Variants in LSG1 observed in about 807,000 individuals in gnomAD.
LSG1 encodes large 60S subunit nuclear export GTPase 1, also known as large subunit GTPase 1 homolog.
A neutral mutation model predicts 82.6 loss-of-function variants in LSG1; 55 were observed. That is an observed-to-expected ratio of 0.67 (90% CI 0.54 to 0.83). The LOEUF is 0.83. Ranked by LOEUF, LSG1 falls within the 40% of genes least tolerant of loss-of-function variation. The pLI is 0.00. For missense variants in LSG1, 809 were observed against 807.9 expected, an observed-to-expected ratio of 1.00 and a Z score of -0.02; for synonymous variants, 272 against 282.5, an observed-to-expected ratio of 0.96 and a Z score of 0.37.
intron 5 of LSG1, chr3:194,660,864 G>A (rs749689574): frequency 4.4e-6 from 2 of 456,444 alleles, no homozygotes; most frequent in South Asian, 3.1e-5. Flanking sequence ...CACAAATATA[G>A]TGGGGACTAC....
Position 194,642,020 on chromosome 3 carries a change from T to C in LSG1, c.*48A>G. On this transcript the variant is annotated 3_prime_UTR_variant, in exon 14 of 14. Transcript: ENST00000265245. ...TCCACAGGCAACAGGCAGCTTCTGC[T>C]CTTTTCCATCTGCACAATGCAGATG... The C allele has an allele frequency of 1.9e-6, 3 of 1,588,112 alleles. No homozygotes were observed. The highest frequency in any genetic ancestry group is 2.6e-6 in the Non-Finnish European group (3 of 1,165,822).
rs1403228576 is a variant in LSG1 at position 194,644,566 on chromosome 3, AACTT to A, written c.1797+3_1797+6del. 6.2e-7 allele frequency: 1 copy of A among 1,607,518 alleles called. No homozygotes were observed. ...ATCAGAAGTTTAAGAAAAGCTTTAA[AACTT>A]ACTTGATGGAAAAAAGTTTTGTCAA... On this transcript the variant is annotated splice_donor_5th_base_variant and intron_variant, in intron 13 of 13. Transcript: ENST00000265245.
chr3:194,660,230 T>A lies in LSG1; in HGVS notation c.522-97A>T, dbSNP rs148207521. On this transcript the variant is annotated intron_variant, in intron 5 of 13. Coordinates refer to ENST00000265245, the MANE Select transcript of LSG1 (RefSeq NM_018385.3). ...CAGAGTAGCAAACCCTGGCAATATA[T>A]TAAGCACTGGACATATATTAACTTT... is the stretch of plus-strand genomic sequence containing the variant. 6,044 of 900,612 alleles carry A rather than the reference T, an allele frequency of 6.7e-3. 26 individuals carry two copies. The highest frequency in any genetic ancestry group is 9.2e-3 in the Non-Finnish European group (4,896 of 534,094). The allele number at this position is 900,612 out of a possible 1,614,324, so 55.8% of individuals were successfully genotyped here. A position where few individuals can be genotyped will look rare whatever the true frequency, so the allele number is the denominator to read the frequency against.
chr3:194,670,107 T>G lies in LSG1; in HGVS notation c.128A>C (p.Tyr43Ser). ...CTGAAGATTAAGACGACCCCAATCA[T>G]AGCCATCATTGAGTTCACTTGTGTG... is the stretch of plus-strand genomic sequence containing the variant. ...WLHTSELNDG[Y>S]DWGRLNLQSV... is the part of the protein sequence containing the mutation. The change falls in exon 2 of 14, where the codon TAT (tyrosine) becomes TCT (serine). Residue 43 changes from tyrosine to serine, a missense_variant. Tyr to Ser is a moderately radical substitution (Grantham distance 144, BLOSUM62 -2). Transcript: ENST00000265245. The G allele has an allele frequency of 6.2e-7, 1 of 1,611,978 alleles. No individual in the cohort carries two copies. Among genetic ancestry groups the G allele is most frequent in the Non-Finnish European group, 8.5e-7 (1 of 1,179,490 alleles).
intron 2 of LSG1, among the ~76,000 whole-genome samples, chr3:194,668,302 G>A (rs1719074134): frequency 6.6e-6 from 1 of 152,098 alleles, no homozygotes; most frequent in Admixed American, 6.5e-5. Context: ...CCAGGAGTGG[G>A]ACTGCTGGAT....
In LSG1 at chr3:194,653,016, C is replaced by G. The variant is rs1718710392; in HGVS notation, c.886G>C (p.Glu296Gln). The change falls in exon 8 of 14, where the codon GAA becomes CAA. Residue 296 changes from glutamate (E) to glutamine (Q), a missense_variant. Coordinates refer to ENST00000265245, the MANE Select transcript of LSG1 (RefSeq NM_018385.3). Reference protein sequence around the residue: ...LPARDSPSLSENPTTDEDDSE... With the variant: ...LPARDSPSLSQNPTTDEDDSE... ...TCATCTTCATCCGTTGTGGGATTTTCACTAAGTGAAGGAGAATCCCTAGCT... is the reference window on the plus strand; with the variant it reads ...TCATCTTCATCCGTTGTGGGATTTTGACTAAGTGAAGGAGAATCCCTAGCT... The G allele has an allele frequency of 6.2e-7, 1 of 1,614,072 alleles. No individual in the cohort carries two copies. Among genetic ancestry groups the G allele is most frequent in the African/African-American group, 1.3e-5 (1 of 74,916 alleles).
rs928899942 is a variant in LSG1 at position 194,642,004 on chromosome 3, A to G, written c.*64T>C. 5 of 1,556,848 alleles carry G rather than the reference A, an allele frequency of 3.2e-6. No individual in the cohort carries two copies. The African/African-American group carries it at 6.8e-5, about 21-fold the overall frequency. On this transcript the variant is annotated 3_prime_UTR_variant, in exon 14 of 14. Coordinates refer to ENST00000265245, the MANE Select transcript of LSG1 (RefSeq NM_018385.3). ...AGTGTCTTGGGACGGTTCCACAGGC[A>G]ACAGGCAGCTTCTGCTCTTTTCCAT...
At chr3:194,644,223 G>A (rs1264455064) in intron 13 of LSG1, among the ~76,000 whole-genome samples, 2 of 151,782 alleles carry the variant, frequency 1.3e-5, no homozygotes, top group African/African-American at 2.4e-5. Flanking sequence ...TTAGCCGGGC[G>A]TGGTGGCGGG....
intron 7 of LSG1, 47 bp downstream of exon 7, chr3:194,658,910 T>G: frequency 6.8e-7 from 1 of 1,469,558 alleles, no homozygotes; most frequent in Non-Finnish European, 9.2e-7. Context: ...TAACAAGAAA[T>G]CAAAATTCCC....
At chr3:194,659,311 T>C (rs1213699428) in intron 6 of LSG1, among the ~76,000 whole-genome samples, 178 bp from the exon 7 acceptor site, 1 of 152,150 alleles carries the variant, frequency 6.6e-6, no homozygotes, top group Non-Finnish European at 1.5e-5. Flanking sequence ...TGAAAAGAAG[T>C]TCCACCATTA....
chr3:194,667,239 C>T (rs1440641768), intron 2 of LSG1, among the ~76,000 whole-genome samples: 7 of 151,970 alleles, frequency 4.6e-5, no homozygotes, highest in Admixed American at 2.0e-4. Flanking sequence ...TTAGTAGAGA[C>T]GGGGTTTTGC....
At chr3:194,663,791 T>TGCCTCAGAGAAAGCCTTTCCCTTCTTCC (rs1560228143) in intron 5 of LSG1, among the ~76,000 whole-genome samples, 1 of 139,460 alleles carries the variant, frequency 7.2e-6, no homozygotes, top group African/African-American at 2.8e-5. Flanking sequence ...TCCCTTCTTC[T>TGCCTCAGAGAAAGCCTTTCCCTTCTTCC]GCCTCAGAGA....
intron 7 of LSG1, among the ~76,000 whole-genome samples, chr3:194,656,924 C>G (rs1387618903): frequency 1.3e-5 from 2 of 151,972 alleles, no homozygotes; most frequent in African/African-American, 4.8e-5. Context: ...CGCATATTCT[C>G]ACTCATAGGT....
chr3:194,666,642 A>C, intron 2 of LSG1, 70 bp from the exon 3 acceptor site: 1 of 1,254,936 alleles, frequency 8.0e-7, no homozygotes, highest in Non-Finnish European at 1.1e-6. Context: ...TCATACTGAT[A>C]AACTGAGAAA....
At chr3:194,646,268 A>G (rs771964440) in intron 11 of LSG1, 25 bp from the exon 12 acceptor site, 1 of 1,594,918 alleles carries the variant, frequency 6.3e-7, no homozygotes, top group Non-Finnish European at 8.6e-7. Context: ...GAATTTTGCA[A>G]AATCTTAGAT....
chr3:194,645,539 C>CACACACACACACACAGACAGACAG lies in LSG1; in HGVS notation c.1623+624_1623+625insCTGTCTGTCTGTGTGTGTGTGTGT, dbSNP rs1560219663. ...ACACACACACACACACAGACAGACA[C>CACACACACACACACAGACAGACAG]ACACACACACACACACACACACACA... On this transcript the variant is annotated intron_variant, in intron 12 of 13. Transcript: ENST00000265245. The CACACACACACACACAGACAGACAG allele has an allele frequency of 9.3e-5, 3 of 32,386 alleles. 1 individual carries two copies. The highest frequency in any genetic ancestry group is 2.0e-4 in the Non-Finnish European group (3 of 14,798). The allele number at this position is 32,386 out of a possible 1,614,324, so 2.0% of individuals were successfully genotyped here.
In LSG1 at chr3:194,645,565, CACACAG is replaced by C. The variant is rs1560219802; in HGVS notation, c.1623+593_1623+598del. On this transcript the variant is annotated intron_variant, in intron 12 of 13. Coordinates refer to ENST00000265245, the MANE Select transcript of LSG1 (RefSeq NM_018385.3). Reference sequence around the variant, plus strand: ...ACACACACACACACACACACACACACACACAGACAGACACACACACACACACACACA... The same window carrying C: ...ACACACACACACACACACACACACACACAGACACACACACACACACACACA... Among the ~76,000 whole-genome samples, 23 of 62,838 alleles carry C rather than the reference CACACAG, an allele frequency of 3.7e-4. 5 individuals carry two copies. Among genetic ancestry groups the C allele is most frequent in the South Asian group, 1.2e-3 (2 of 1,664 alleles). 41.2% of individuals were successfully genotyped at this position (62,838 alleles called of 152,430 possible).
intron 11 of LSG1, among the ~76,000 whole-genome samples, chr3:194,647,343 G>T (rs1339889816): frequency 6.6e-6 from 1 of 152,090 alleles, no homozygotes; most frequent in Admixed American, 6.6e-5. Context: ...ATATAACAAA[G>T]AACTTTTACA....
In LSG1 at chr3:194,645,523, C is replaced by CACAGACACACACACACACACACAG. The variant is rs1191537792; in HGVS notation, c.1623+640_1623+641insCTGTGTGTGTGTGTGTGTGTCTGT. 3 of 43,984 alleles carry CACAGACACACACACACACACACAG rather than the reference C, an allele frequency of 6.8e-5. 1 individual carries two copies. The highest frequency in any genetic ancestry group is 2.2e-4 in the African/African-American group (3 of 13,524). The allele number at this position is 43,984 out of a possible 1,614,324, so 2.7% of individuals were successfully genotyped here. A position where few individuals can be genotyped will look rare whatever the true frequency, so the allele number is the denominator to read the frequency against. On this transcript the variant is annotated intron_variant, in intron 12 of 13. Coordinates refer to ENST00000265245, the MANE Select transcript of LSG1 (RefSeq NM_018385.3). ...ACACACACACACACACACACACACA[C>CACAGACACACACACACACACACAG]ACACACAGACAGACACACACACACA...
Sources: allele counts gnomAD v4.1 joint callset (sites outside exome capture counted in the v4.1 genomes callset), GRCh38; gene constraint gnomAD v4.1.1; transcripts MANE v1.5; gene names NCBI Gene and HGNC (gene_info 2026-07-23, HGNC 2026-07-21).